Variants in MEIS1 observed in about 807,000 individuals in gnomAD.
MEIS1 encodes Meis homeobox 1.
MEIS1 carries 5 observed loss-of-function variants against 50.8 expected under a neutral mutation model. The observed-to-expected ratio is 0.10, with a 90% CI of 0.05 to 0.21. MEIS1 has a LOEUF of 0.21. MEIS1 is among the 10% of genes least tolerant of loss of function. MEIS1 has a pLI of 1.00. For synonymous variants in MEIS1, 176 were observed against 179.3 expected (o/e 0.98, Z 0.15); for missense variants, 318 against 517.3 (o/e 0.61, Z 3.74).
At chr2:66,472,491 G>A (rs1402794303) in intron 7 of MEIS1, among the ~76,000 whole-genome samples, 1 of 152,120 alleles carries the variant, frequency 6.6e-6, no homozygotes, top group African/African-American at 2.4e-5. Flanking sequence ...AAATGAGTAG[G>A]TCATAGTATT....
chr2:66,523,432 G>T (rs113851554), intron 8 of MEIS1, among the ~76,000 whole-genome samples: 6,328 of 152,298 alleles, frequency 0.042, 156 homozygotes, highest in Non-Finnish European at 0.056. Flanking sequence ...ATATGTTTCA[G>T]TTAGGTTGTT....
chr2:66,529,161 A>G (rs1268891960), intron 8 of MEIS1, among the ~76,000 whole-genome samples: 1 of 152,014 alleles, frequency 6.6e-6, no homozygotes, highest in Non-Finnish European at 1.5e-5. Context: ...GGTCCACAGC[A>G]CCTTGATGAG....
chr2:66,445,021 A>G (rs1672094156), intron 6 of MEIS1, among the ~76,000 whole-genome samples: 1 of 152,224 alleles, frequency 6.6e-6, no homozygotes, highest in African/African-American at 2.4e-5. Context: ...TTAATATAAT[A>G]TCATGGAGCT....
chr2:66,514,898 G>C lies in MEIS1; in HGVS notation c.888+2604G>C, dbSNP rs544891054. 2.6e-5 allele frequency among the ~76,000 whole-genome samples: 4 copies of C among 152,240 alleles called. No individual in the cohort carries two copies. In the East Asian group the frequency reaches 7.7e-4, roughly 29 times the overall value. On this transcript the variant is annotated intron_variant, in intron 8 of 12. Coordinates refer to ENST00000272369, the MANE Select transcript of MEIS1 (RefSeq NM_002398.3). ...ACTGCTTAGGTAATATTTATAGTAA[G>C]GAGCTAATTTTAATAAATTCTATTT...
chr2:66,438,212 G>C (rs1419811957), intron 2 of MEIS1, among the ~76,000 whole-genome samples: 1 of 152,254 alleles, frequency 6.6e-6, no homozygotes, highest in Admixed American at 6.5e-5. Context: ...TCCCAGATGA[G>C]AAGAAGCTGG....
At chr2:66,462,961 T>TA (rs1342287643) in intron 6 of MEIS1, among the ~76,000 whole-genome samples, 1 of 152,162 alleles carries the variant, frequency 6.6e-6, no homozygotes, top group Non-Finnish European at 1.5e-5. Context: ...TTGATTCCTA[T>TA]ACAGCATGCC....
intron 7 of MEIS1, among the ~76,000 whole-genome samples, chr2:66,474,710 CT>C (rs935929287): frequency 7.2e-5 from 11 of 152,240 alleles, no homozygotes; most frequent in African/African-American, 2.6e-4. Context: ...ATTGCTTAAC[CT>C]AAAAGCATTC....
At chr2:66,531,035 C>T (rs1284429765) in intron 8 of MEIS1, among the ~76,000 whole-genome samples, 1 of 152,120 alleles carries the variant, frequency 6.6e-6, no homozygotes. Flanking sequence ...TAAGACAAAT[C>T]CACACAACAT....
intron 8 of MEIS1, among the ~76,000 whole-genome samples, chr2:66,544,264 T>A (rs1395071461): frequency 6.6e-6 from 1 of 151,476 alleles, no homozygotes; most frequent in Non-Finnish European, 1.5e-5. Flanking sequence ...GTCAAGTCAT[T>A]TTTTTTTAAG....
intron 2 of MEIS1, among the ~76,000 whole-genome samples, chr2:66,438,431 C>T (rs1671856643): frequency 6.6e-6 from 1 of 152,234 alleles, no homozygotes; most frequent in South Asian, 2.1e-4. Flanking sequence ...TGCCACTGCA[C>T]AATAAAACCA....
At chr2:66,509,787 G>C (rs1353017532) in intron 7 of MEIS1, among the ~76,000 whole-genome samples, 1 of 152,196 alleles carries the variant, frequency 6.6e-6, no homozygotes, top group African/African-American at 2.4e-5. Flanking sequence ...TCTTTTGCCT[G>C]AGGTAATGGG....
intron 7 of MEIS1, among the ~76,000 whole-genome samples, chr2:66,501,266 T>C (rs1319954349): frequency 6.6e-6 from 1 of 152,188 alleles, no homozygotes; most frequent in Non-Finnish European, 1.5e-5. Flanking sequence ...AAAGTGCAAA[T>C]ATAAAAATAA....
intron 7 of MEIS1, among the ~76,000 whole-genome samples, chr2:66,465,686 TATATC>T (rs1672619073): frequency 6.6e-6 from 1 of 152,188 alleles, no homozygotes; most frequent in Non-Finnish European, 1.5e-5. Flanking sequence ...TTTCAAAACT[TATATC>T]ATCTGAGAAT....
At position 66,560,040 on chromosome 2, in the gene MEIS1, C is replaced by T. The variant is rs115280072; in HGVS notation, c.966-7413C>T. Among the ~76,000 whole-genome samples, 879 of 151,212 alleles carry T rather than the reference C, an allele frequency of 5.8e-3. 6 individuals are homozygous for T. The highest frequency in any genetic ancestry group is 0.019 in the African/African-American group (781 of 41,128). On this transcript the variant is annotated intron_variant, in intron 9 of 12. Transcript: ENST00000272369. ...TTATACTCCAGGCTCAAATGATCCTCCTGCCTTGGCCTCCAAAAGTGCTGG... is the reference window on the plus strand; with the variant it reads ...TTATACTCCAGGCTCAAATGATCCTTCTGCCTTGGCCTCCAAAAGTGCTGG...
At chr2:66,507,548 T>A (rs916838555) in intron 7 of MEIS1, among the ~76,000 whole-genome samples, 1 of 152,230 alleles carries the variant, frequency 6.6e-6, no homozygotes, top group African/African-American at 2.4e-5. Flanking sequence ...GATGGCCCAC[T>A]GACACAGGAA....
chr2:66,553,562 GC>G (rs1239423528), intron 9 of MEIS1, among the ~76,000 whole-genome samples: 4 of 152,194 alleles, frequency 2.6e-5, no homozygotes, highest in African/African-American at 9.6e-5. Context: ...CTGGCGGGGC[GC>G]CAGACAGGCA....
intron 7 of MEIS1, among the ~76,000 whole-genome samples, chr2:66,486,602 A>G (rs1420674948): frequency 2.6e-5 from 4 of 152,180 alleles, no homozygotes; most frequent in Admixed American, 2.6e-4. Context: ...GTTCCATATG[A>G]AATTTAAAAT....
At chr2:66,464,038 A>T in intron 6 of MEIS1, 71 bp from the exon 7 acceptor site, 1 of 1,111,356 alleles carries the variant, frequency 9.0e-7, no homozygotes, top group Non-Finnish European at 1.3e-6. Context: ...CTTTGTCATT[A>T]TGCCATGGGA....
intron 7 of MEIS1, among the ~76,000 whole-genome samples, chr2:66,465,377 T>C (rs1040345519): frequency 6.6e-6 from 1 of 152,208 alleles, no homozygotes; most frequent in African/African-American, 2.4e-5. Context: ...GGTTCAGAGC[T>C]GAGAGGTAAC....
Sources: gnomAD v4.1 joint callset for allele counts (sites outside exome capture counted in the v4.1 genomes callset) on GRCh38, gnomAD v4.1.1 for gene constraint, MANE v1.5 for transcripts, NCBI Gene and HGNC (gene_info 2026-07-23, HGNC 2026-07-21) for gene names.